Variants in LZTS1 observed in about 807,000 individuals in gnomAD.
The protein encoded by LZTS1 is leucine zipper tumor suppressor 1.
In LZTS1, 31 loss-of-function variants were observed where a neutral mutation model predicts 45.8. The ratio of observed to expected loss-of-function variants is 0.68; its 90% confidence interval spans 0.51 to 0.91. The LOEUF (loss-of-function observed/expected upper bound fraction) is 0.91. Among genes scored for constraint, LZTS1 ranks in the 40% least tolerant of loss-of-function variants. The pLI, the probability that LZTS1 is intolerant of heterozygous loss-of-function variation, is 0.00. For synonymous variants in LZTS1, 359 were observed against 357.3 expected (o/e 1.00, Z -0.05); for missense variants, 821 against 788.9 (o/e 1.04, Z -0.49).
At chr8:20,269,691 G>C (rs1337541792) in intron 1 of LZTS1, among the ~76,000 whole-genome samples, 1 of 152,204 alleles carries the variant, frequency 6.6e-6, no homozygotes, top group Admixed American at 6.5e-5. Context: ...AGCTCCCTAG[G>C]CAGGTTGACA....
chr8:20,274,961 C>CTGTGTGTG (rs34482608), intron 1 of LZTS1, among the ~76,000 whole-genome samples: 13 of 125,744 alleles, frequency 1.0e-4, no homozygotes, highest in Admixed American at 1.5e-4. Flanking sequence ...TGCCATGATA[C>CTGTGTGTG]TGTGTGTGTG....
chr8:20,277,957 T>C (rs896338860), intron 1 of LZTS1, among the ~76,000 whole-genome samples: 3 of 152,196 alleles, frequency 2.0e-5, no homozygotes, highest in East Asian at 1.9e-4. Flanking sequence ...AACGTCTTGC[T>C]CACCACTGTA....
chr8:20,273,430 C>T (rs572706861), intron 1 of LZTS1, among the ~76,000 whole-genome samples: 22 of 152,254 alleles, frequency 1.4e-4, no homozygotes, highest in Non-Finnish European at 2.9e-4. Context: ...CATCCAACTG[C>T]GCTTCCCTCG....
In LZTS1 at chr8:20,253,268, G is replaced by A; in HGVS notation, c.663C>T (p.Asp221=). 6.2e-7 allele frequency: 1 copy of A among 1,614,112 alleles called. No individual in the cohort carries two copies. Among genetic ancestry groups the A allele is most frequent in the Non-Finnish European group, 8.5e-7 (1 of 1,180,038 alleles). Residue 221 remains aspartate (D), a synonymous_variant, in exon 3 of 4, where the codon GAC becomes GAT. Transcript: ENST00000381569. ...HNITQGIVLQ[D]SNMMSLKALS... is the part of the protein sequence containing the mutation. ...GAGCCTTCAGGCTCATCATGTTGCT[G>A]TCCTGGAGGACGATGCCCTGGGTGA...
At chr8:20,294,727 C>CT (rs1800953599) in intron 1 of LZTS1, among the ~76,000 whole-genome samples, 1 of 152,054 alleles carries the variant, frequency 6.6e-6, no homozygotes, top group Admixed American at 6.5e-5. Flanking sequence ...GCTGGAGTGT[C>CT]TGAAGGTTGC....
chr8:20,290,423 G>A (rs537368260), intron 1 of LZTS1: 6 of 152,336 alleles, frequency 3.9e-5, no homozygotes, highest in African/African-American at 1.4e-4. Context: ...GCAATACGGA[G>A]CTCTCCTGGA....
At chr8:20,252,621 G>C (rs1373278965) in intron 3 of LZTS1, among the ~76,000 whole-genome samples, 161 bp downstream of exon 3, 8 of 152,224 alleles carry the variant, frequency 5.3e-5, no homozygotes, top group African/African-American at 1.9e-4. Flanking sequence ...CCCCCAACAT[G>C]GTTTGCAGGG....
intron 1 of LZTS1, among the ~76,000 whole-genome samples, chr8:20,278,766 A>G (rs1800631871): frequency 6.6e-6 from 1 of 152,192 alleles, no homozygotes; most frequent in South Asian, 2.1e-4. Context: ...GTTCTCTCCT[A>G]GCTCAAATAG....
chr8:20,301,492 A>G (rs1163628074), intron 1 of LZTS1, among the ~76,000 whole-genome samples: 2 of 152,184 alleles, frequency 1.3e-5, no homozygotes, highest in African/African-American at 4.8e-5. Context: ...GTCTGTCATC[A>G]TTACATTATT....
chr8:20,253,775 A>G lies in LZTS1; in HGVS notation c.346-190T>C, dbSNP rs2645387. On this transcript the variant is annotated intron_variant, in intron 2 of 3. Coordinates refer to ENST00000381569, the MANE Select transcript of LZTS1 (RefSeq NM_021020.5). ...CAGCTGAATGTCATCTCTCTTAGGA[A>G]GGAAAAACCCTAATGGCGACTTGGG... 0.36 allele frequency among the ~76,000 whole-genome samples: 54,618 copies of G among 151,998 alleles called. 10,058 individuals carry two copies. Among genetic ancestry groups the G allele is most frequent in the East Asian group, 0.45 (2,299 of 5,144 alleles).
At chr8:20,286,736 T>C (rs999906978) in intron 1 of LZTS1, among the ~76,000 whole-genome samples, 6 of 152,214 alleles carry the variant, frequency 3.9e-5, no homozygotes, top group Admixed American at 1.3e-4. Context: ...GAGACCTAAA[T>C]GCCTATGCAC....
chr8:20,264,824 TTCTG>T (rs1195109579), intron 1 of LZTS1, among the ~76,000 whole-genome samples: 10 of 152,204 alleles, frequency 6.6e-5, no homozygotes, highest in African/African-American at 2.4e-4. Context: ...CAACCCTTTA[TTCTG>T]TCTATTTGAC....
intron 3 of LZTS1, among the ~76,000 whole-genome samples, chr8:20,252,093 G>A (rs1271899006): frequency 6.6e-6 from 1 of 152,158 alleles, no homozygotes; most frequent in African/African-American, 2.4e-5. Context: ...AGACCACCAG[G>A]CTGGTGAGAA....
rs732338 is a variant in LZTS1 at position 20,248,869 on chromosome 8, C to A, written c.*853G>T. 76,347 of 152,034 alleles carry A rather than the reference C, an allele frequency of 0.5. 19,307 individuals carry two copies. Among genetic ancestry groups the A allele is most frequent in the African/African-American group, 0.57 (23,407 of 41,322 alleles). The allele number at this position is 152,034 out of a possible 1,614,324, so 9.4% of individuals were successfully genotyped here. A position where few individuals can be genotyped will look rare whatever the true frequency, so the allele number is the denominator to read the frequency against. On this transcript the variant is annotated 3_prime_UTR_variant, in exon 4 of 4. Coordinates refer to ENST00000381569, the MANE Select transcript of LZTS1 (RefSeq NM_021020.5). ...CAGATGGGGAGGCTCCCTGAGGGTG[C>A]CTGGAAAGCCACACCCTCTGGTTCA...
At chr8:20,276,596 T>A (rs1427912751) in intron 1 of LZTS1, among the ~76,000 whole-genome samples, 3 of 152,258 alleles carry the variant, frequency 2.0e-5, no homozygotes, top group Admixed American at 2.0e-4. Context: ...TGTAATATCC[T>A]GTACAATCAA....
chr8:20,264,484 C>G (rs571296429), intron 1 of LZTS1, among the ~76,000 whole-genome samples: 1 of 152,094 alleles, frequency 6.6e-6, no homozygotes, highest in Non-Finnish European at 1.5e-5. Flanking sequence ...AGGAAGGCAG[C>G]GGCAGTGAGA....
intron 1 of LZTS1, among the ~76,000 whole-genome samples, chr8:20,292,639 G>T (rs1188591489): frequency 1.3e-5 from 2 of 152,188 alleles, no homozygotes; most frequent in African/African-American, 4.8e-5. Flanking sequence ...GGGCCCCTTT[G>T]ATTGGGGTAG....
Position 20,253,019 on chromosome 8 carries a change from G to C in LZTS1, c.912C>G (p.Asp304Glu). Reference protein sequence around the residue: ...AYEERPRRCRDELEGPEPKGG... With the variant: ...AYEERPRRCREELEGPEPKGG... ...CTTTGGGCTCCGGGCCCTCCAGCTC[G>C]TCCCTGCAGCGCCGCGGCCGCTCCT... is the stretch of plus-strand genomic sequence containing the variant. Residue 304 changes from aspartate (D) to glutamate (E), a missense_variant, in exon 3 of 4, where the codon GAC (aspartate) becomes GAG (glutamate). Asp to Glu is a conservative substitution (Grantham distance 45). Coordinates refer to ENST00000381569, the MANE Select transcript of LZTS1 (RefSeq NM_021020.5). 6.3e-7 allele frequency: 1 copy of C among 1,597,164 alleles called. No homozygotes were observed. The highest frequency in any genetic ancestry group is 1.1e-5 in the South Asian group (1 of 90,668).
In LZTS1 at chr8:20,248,395, C is replaced by T. The variant is rs1053571465; in HGVS notation, c.*1327G>A. ...TTTATCTCTCTCTACCACCGCCTCC[C>T]GCTCCGCACATCTGCAGAGAAACCC... On this transcript the variant is annotated 3_prime_UTR_variant, in exon 4 of 4. Coordinates refer to ENST00000381569, the MANE Select transcript of LZTS1 (RefSeq NM_021020.5). 1 of 152,304 alleles carries T rather than the reference C, an allele frequency of 6.6e-6. No individual in the cohort carries two copies. The highest frequency in any genetic ancestry group is 2.4e-5 in the African/African-American group (1 of 41,448). The allele number at this position is 152,304 out of a possible 1,614,324, so 9.4% of individuals were successfully genotyped here.
Sources: allele counts gnomAD v4.1 joint callset (sites outside exome capture counted in the v4.1 genomes callset), GRCh38; gene constraint gnomAD v4.1.1; transcripts MANE v1.5; gene names NCBI Gene and HGNC (gene_info 2026-07-23, HGNC 2026-07-21).